The following SCAPER variants were observed in gnomAD, a reference collection of about 807,000 sequenced individuals.
The protein encoded by SCAPER is S phase cyclin A-associated protein in the endoplasmic reticulum.
In SCAPER, 98 loss-of-function variants were observed where a neutral mutation model predicts 182.2. The observed-to-expected ratio is 0.54, with a 90% CI of 0.46 to 0.64. SCAPER has a LOEUF of 0.64. Ranked by LOEUF, SCAPER falls within the 30% of genes least tolerant of loss-of-function variation. The pLI, the probability that SCAPER is intolerant of heterozygous loss-of-function variation, is 0.00. For synonymous variants in SCAPER, 605 were observed against 564.6 expected (o/e 1.07, Z -1.01); for missense variants, 1,432 against 1,690.0 (o/e 0.85, Z 2.68).
chr15:76,483,738 A>G (rs958855469), intron 24 of SCAPER, among the ~76,000 whole-genome samples: 1 of 152,162 alleles, frequency 6.6e-6, no homozygotes, highest in Non-Finnish European at 1.5e-5. Context: ...GTAAATAATC[A>G]TAGAAAAAGA....
intron 15 of SCAPER, among the ~76,000 whole-genome samples, chr15:76,742,319 C>CTT (rs1313415956): frequency 1.3e-5 from 2 of 150,974 alleles, no homozygotes; most frequent in African/African-American, 4.9e-5. Context: ...ATCTATAAAA[C>CTT]AGGTGTACAA....
At chr15:76,519,810 G>A (rs1259897481) in intron 23 of SCAPER, among the ~76,000 whole-genome samples, 4 of 152,110 alleles carry the variant, frequency 2.6e-5, no homozygotes, top group African/African-American at 9.7e-5. Context: ...AACTCCTCTA[G>A]CTAAATAAGT....
chr15:76,441,205 G>GCCAC (rs201671708), intron 25 of SCAPER, among the ~76,000 whole-genome samples: 26,132 of 151,914 alleles, frequency 0.17, 2,728 homozygotes, highest in Middle Eastern at 0.26. Context: ...ACAGGTGTGA[G>GCCAC]CCACCGTGCC....
chr15:76,654,113 T>C (rs1169908970), intron 21 of SCAPER, among the ~76,000 whole-genome samples: 1 of 152,130 alleles, frequency 6.6e-6, no homozygotes, highest in African/African-American at 2.4e-5. Context: ...TCAGCATCAC[T>C]AATAATCAGA....
chr15:76,430,439 C>A (rs932673993), intron 26 of SCAPER, among the ~76,000 whole-genome samples: 29 of 152,226 alleles, frequency 1.9e-4, no homozygotes, highest in African/African-American at 7.0e-4. Context: ...GGGGCTATAC[C>A]CTACAAAGTC....
chr15:76,732,930 C>T (rs2061010149), intron 16 of SCAPER, among the ~76,000 whole-genome samples: 1 of 152,202 alleles, frequency 6.6e-6, no homozygotes, highest in South Asian at 2.1e-4. Flanking sequence ...GTCCAGTGGA[C>T]ATGTGACCCA....
At chr15:76,443,400 C>T (rs529494129) in intron 25 of SCAPER, among the ~76,000 whole-genome samples, 1 of 152,248 alleles carries the variant, frequency 6.6e-6, no homozygotes, top group South Asian at 2.1e-4. Context: ...GAACAAACAT[C>T]AAATTTATGG....
At chr15:76,548,618 T>A (rs953970849) in intron 23 of SCAPER, among the ~76,000 whole-genome samples, 1 of 152,170 alleles carries the variant, frequency 6.6e-6, no homozygotes, top group African/African-American at 2.4e-5. Context: ...GTTAAAAGAT[T>A]TATTCTTAGG....
At chr15:76,452,632 G>GT (rs2048449896) in intron 25 of SCAPER, among the ~76,000 whole-genome samples, 1 of 152,134 alleles carries the variant, frequency 6.6e-6, no homozygotes, top group Non-Finnish European at 1.5e-5. Context: ...GTTGAACGCC[G>GT]TATTTCAGCT....
chr15:76,488,385 A>G (rs1337934954), intron 24 of SCAPER, among the ~76,000 whole-genome samples: 1 of 152,196 alleles, frequency 6.6e-6, no homozygotes, highest in East Asian at 1.9e-4. Flanking sequence ...TAATGACAAT[A>G]TTAACAGTAC....
chr15:76,848,323 G>T (rs866674566), intron 4 of SCAPER, among the ~76,000 whole-genome samples: 11 of 132,304 alleles, frequency 8.3e-5, no homozygotes, highest in Non-Finnish European at 1.1e-4. Flanking sequence ...TTTTTTTGGG[G>T]TTTTTTTTTT....
chr15:76,820,192 G>C (rs1256990387), intron 5 of SCAPER, among the ~76,000 whole-genome samples: 1 of 152,078 alleles, frequency 6.6e-6, no homozygotes, highest in Non-Finnish European at 1.5e-5. Flanking sequence ...GATTCCTCAG[G>C]GATCTAGAAC....
intron 24 of SCAPER, among the ~76,000 whole-genome samples, chr15:76,473,219 G>A (rs1330285092): frequency 1.3e-5 from 2 of 152,120 alleles, no homozygotes; most frequent in Admixed American, 6.5e-5. Flanking sequence ...GACCTCACTG[G>A]GTTTTATAGT....
intron 15 of SCAPER, among the ~76,000 whole-genome samples, chr15:76,749,152 T>TA (rs2061960213): frequency 6.6e-6 from 1 of 150,674 alleles, no homozygotes; most frequent in East Asian, 1.9e-4. Flanking sequence ...ACAAAAATGA[T>TA]AATATACTAT....
At chr15:76,757,831 C>T (rs1439951195) in intron 14 of SCAPER, among the ~76,000 whole-genome samples, 2 of 152,090 alleles carry the variant, frequency 1.3e-5, no homozygotes, top group Non-Finnish European at 2.9e-5. Context: ...CACTCAAGTT[C>T]GATTTCCATT....
intron 20 of SCAPER, among the ~76,000 whole-genome samples, chr15:76,687,721 G>A (rs1422495898): frequency 1.3e-5 from 2 of 152,158 alleles, no homozygotes; most frequent in African/African-American, 2.4e-5. Flanking sequence ...TTGGTTTGCT[G>A]AGAATGATGG....
rs369645052 is a variant in SCAPER, at chr15:76,666,860, C to T, written c.2509-1071G>A. ...TGCATATGTGCCCGTACACTCTCTT[C>T]CCTCCTGTTATAATATATGAACACC... On this transcript the variant is annotated intron_variant, in intron 20 of 31. Coordinates refer to ENST00000563290, the MANE Select transcript of SCAPER (RefSeq NM_020843.4). 1.2e-4 allele frequency among the ~76,000 whole-genome samples: 18 copies of T among 152,170 alleles called. 1 individual carries two copies. The East Asian group carries it at 1.9e-3, about 16-fold the overall frequency.
intron 17 of SCAPER, among the ~76,000 whole-genome samples, chr15:76,714,534 G>GGTGGTGGTAGTAGTAGTA (rs981246284): frequency 6.7e-6 from 1 of 149,394 alleles, no homozygotes; most frequent in African/African-American, 2.5e-5. Context: ...TAGTAGTAGT[G>GGTGGTGGTAGTAGTAGTA]GTAGTAGTAG....
At chr15:76,432,211 C>T (rs183752926) in intron 26 of SCAPER, among the ~76,000 whole-genome samples, 134 of 152,244 alleles carry the variant, frequency 8.8e-4, no homozygotes, top group African/African-American at 2.8e-3. Context: ...AATTCTACAA[C>T]GACCAAAAGG....
Sources: allele counts gnomAD v4.1 joint callset (sites outside exome capture counted in the v4.1 genomes callset), GRCh38; gene constraint gnomAD v4.1.1; transcripts MANE v1.5; gene names NCBI Gene and HGNC (gene_info 2026-07-23, HGNC 2026-07-21).